The following PPP3CA variants were observed in gnomAD, a reference collection of about 807,000 sequenced individuals.
PPP3CA encodes the protein CAM-PRP catalytic subunit.
PPP3CA carries 14 observed loss-of-function variants against 66.5 expected under a neutral mutation model. The observed-to-expected ratio is 0.21, with a 90% CI of 0.14 to 0.33. The LOEUF is 0.33. PPP3CA is among the 10% of genes least tolerant of loss of function. The pLI is 1.00. For missense variants in PPP3CA, 317 were observed against 639.5 expected (o/e 0.50, Z 5.44); for synonymous variants, 232 against 226.2 (o/e 1.03, Z -0.23).
intron 1 of PPP3CA, among the ~76,000 whole-genome samples, chr4:101,285,287 T>C (rs1727803336): frequency 6.6e-6 from 1 of 152,198 alleles, no homozygotes; most frequent in Admixed American, 6.5e-5. Flanking sequence ...TAATCATATC[T>C]TATCAAGTAG....
chr4:101,311,248 T>A (rs930214916), intron 1 of PPP3CA, among the ~76,000 whole-genome samples: 8 of 152,336 alleles, frequency 5.3e-5, no homozygotes, highest in Middle Eastern at 3.4e-3. Context: ...GGAAGAGAAT[T>A]AAAATTTGTT....
In PPP3CA at chr4:101,062,137, T is replaced by C. The variant is rs920896060; in HGVS notation, c.1082-976A>G. ...ATAGAAACAACCCAAATAAAGGATG[T>C]TCAAAAGGTGCCCCATAGTTGTCAG... On this transcript the variant is annotated intron_variant, in intron 9 of 13. Transcript: ENST00000394854. Among the ~76,000 whole-genome samples the C allele has an allele frequency of 5.9e-5, 9 of 152,150 alleles. No homozygotes were observed. The South Asian group carries it at 1.4e-3, about 25-fold the overall frequency.
In PPP3CA at chr4:101,025,739, C is replaced by A; in HGVS notation, c.*126G>T. On this transcript the variant is annotated 3_prime_UTR_variant, in exon 14 of 14. Coordinates refer to ENST00000394854, the MANE Select transcript of PPP3CA (RefSeq NM_000944.5). ...AGTGTAAACTGAATCCAATTCCTGG[C>A]CCCCAGAGCAAATAAGCTACTGTCA... is the stretch of plus-strand genomic sequence containing the variant. 4.4e-6 allele frequency: 3 copies of A among 682,592 alleles called. No homozygotes were observed. In the South Asian group the frequency reaches 7.9e-5, roughly 18 times the overall value. The allele number at this position is 682,592 out of a possible 1,614,324, so 42.3% of individuals were successfully genotyped here.
intron 2 of PPP3CA, among the ~76,000 whole-genome samples, chr4:101,142,761 G>T (rs536210923): frequency 6.6e-6 from 1 of 152,270 alleles, no homozygotes; most frequent in South Asian, 2.1e-4. Context: ...ATTAATTCAG[G>T]TAAGAAAATA....
At chr4:101,261,148 T>C (rs961090913) in intron 1 of PPP3CA, among the ~76,000 whole-genome samples, 1 of 152,102 alleles carries the variant, frequency 6.6e-6, no homozygotes, top group Non-Finnish European at 1.5e-5. Flanking sequence ...CTGCATCAGG[T>C]AGGTACCATT....
intron 1 of PPP3CA, among the ~76,000 whole-genome samples, chr4:101,265,554 G>T (rs1244572462): frequency 2.0e-5 from 3 of 152,132 alleles, no homozygotes; most frequent in Non-Finnish European, 4.4e-5. Context: ...TTCAAGGAAA[G>T]GATAACTAAA....
chr4:101,063,126 G>A (rs557549192), intron 9 of PPP3CA, 106 bp downstream of exon 9: 3 of 1,354,926 alleles, frequency 2.2e-6, no homozygotes, highest in South Asian at 3.2e-5. Context: ...TACAACTTGT[G>A]AATTTTATTG....
intron 2 of PPP3CA, among the ~76,000 whole-genome samples, chr4:101,144,086 C>G (rs769320862): frequency 1.2e-4 from 18 of 152,092 alleles, no homozygotes; most frequent in Admixed American, 1.3e-4. Context: ...TCTTTACCAC[C>G]ACTGCTGTTG....
chr4:101,093,324 A>G (rs1730041176), intron 6 of PPP3CA, among the ~76,000 whole-genome samples: 1 of 152,134 alleles, frequency 6.6e-6, no homozygotes, highest in African/African-American at 2.4e-5. Flanking sequence ...CACCAGCAAA[A>G]AGATTATGAC....
intron 2 of PPP3CA, among the ~76,000 whole-genome samples, chr4:101,162,542 A>T (rs1723550578): frequency 1.3e-5 from 2 of 149,776 alleles, no homozygotes; most frequent in Non-Finnish European, 3.0e-5. Context: ...TAAATAAATA[A>T]ATAAATAAAT....
At chr4:101,081,954 T>C (rs1226386825) in intron 7 of PPP3CA, among the ~76,000 whole-genome samples, 1 of 152,172 alleles carries the variant, frequency 6.6e-6, no homozygotes, top group Non-Finnish European at 1.5e-5. Context: ...AGAAACTGGA[T>C]GACATAATCT....
intron 2 of PPP3CA, among the ~76,000 whole-genome samples, chr4:101,191,486 C>A (rs1413392034): frequency 6.6e-6 from 1 of 152,136 alleles, no homozygotes; most frequent in Non-Finnish European, 1.5e-5. Context: ...TGCTGACTTG[C>A]CAGCAGTGGG....
chr4:101,218,129 G>T (rs1578563979), intron 1 of PPP3CA, among the ~76,000 whole-genome samples: 2 of 152,148 alleles, frequency 1.3e-5, no homozygotes, highest in African/African-American at 4.8e-5. Flanking sequence ...AGAATAAACA[G>T]AGAAAAGAGG....
chr4:101,063,379 T>A lies in PPP3CA; in HGVS notation c.956-22A>T, dbSNP rs560796079. ...GCAGCTAAAAATAACCAAAAGAGGA[T>A]GTTAGGAACACAGAACATATTTCTG... On this transcript the variant is annotated intron_variant, in intron 8 of 13. Coordinates refer to ENST00000394854, the MANE Select transcript of PPP3CA (RefSeq NM_000944.5). The A allele has an allele frequency of 3.0e-4, 482 of 1,599,810 alleles. 10 individuals are homozygous for A. The South Asian group carries it at 5.3e-3, about 17-fold the overall frequency.
chr4:101,285,685 T>G (rs1465737999), intron 1 of PPP3CA, among the ~76,000 whole-genome samples: 1 of 150,316 alleles, frequency 6.7e-6, no homozygotes, highest in Non-Finnish European at 1.5e-5. Context: ...TGGCTACTCC[T>G]ATCTCAGGGA....
At chr4:101,290,513 C>T (rs1425399487) in intron 1 of PPP3CA, among the ~76,000 whole-genome samples, 1 of 152,184 alleles carries the variant, frequency 6.6e-6, no homozygotes, top group African/African-American at 2.4e-5. Context: ...CTAAGAAAGT[C>T]AGAATCTTGT....
At chr4:101,118,724 A>G (rs1721926458) in intron 2 of PPP3CA, among the ~76,000 whole-genome samples, 1 of 151,936 alleles carries the variant, frequency 6.6e-6, no homozygotes. Flanking sequence ...TTTTTAAATT[A>G]CTTTCTTATT....
At chr4:101,221,195 A>G (rs189303217) in intron 1 of PPP3CA, among the ~76,000 whole-genome samples, 1 of 151,692 alleles carries the variant, frequency 6.6e-6, no homozygotes, top group Admixed American at 6.6e-5. Context: ...TACATTGTGT[A>G]AAGTGTTAAA....
chr4:101,289,973 T>C (rs1727971143), intron 1 of PPP3CA, among the ~76,000 whole-genome samples: 1 of 151,546 alleles, frequency 6.6e-6, no homozygotes. Context: ...GCTGCTAGAA[T>C]GGTGCAAGGA....
Sources: allele counts gnomAD v4.1 joint callset (sites outside exome capture counted in the v4.1 genomes callset), GRCh38; gene constraint gnomAD v4.1.1; transcripts MANE v1.5; gene names NCBI Gene and HGNC (gene_info 2026-07-23, HGNC 2026-07-21).